NLN: variants seen among roughly 807,000 people sequenced by gnomAD.
NLN encodes the protein neurolysin.
In NLN, 64 loss-of-function variants were observed where a neutral mutation model predicts 79.9. The ratio of observed to expected loss-of-function variants is 0.80; its 90% CI spans 0.65 to 0.99. NLN has a LOEUF of 0.99. Among genes scored for constraint, NLN ranks in the 50% least tolerant of loss-of-function variants. NLN has a pLI of 0.00. For missense variants in NLN, 835 were observed against 858.7 expected, an observed-to-expected ratio of 0.97 and a Z score of 0.34; for synonymous variants, 267 against 296.6, an observed-to-expected ratio of 0.90 and a Z score of 1.02.
intron 3 of NLN, among the ~76,000 whole-genome samples, chr5:65,770,462 A>T (rs1759542952): frequency 6.6e-6 from 1 of 152,218 alleles, no homozygotes; most frequent in Non-Finnish European, 1.5e-5. Context: ...AATGAAGACC[A>T]TAATAAGTTA....
intron 1 of NLN, among the ~76,000 whole-genome samples, chr5:65,739,302 A>G (rs1038814097): frequency 1.3e-5 from 2 of 151,898 alleles, no homozygotes; most frequent in African/African-American, 4.8e-5. Flanking sequence ...GGCTTATTTC[A>G]GTTAACACTT....
intron 3 of NLN, among the ~76,000 whole-genome samples, chr5:65,774,055 G>GC (rs562497229): frequency 7.1e-6 from 1 of 140,352 alleles, no homozygotes. Context: ...AGAATTCAAA[G>GC]TTTTTTTTTT....
chr5:65,798,027 G>A (rs959560290), intron 9 of NLN, among the ~76,000 whole-genome samples: 4 of 152,148 alleles, frequency 2.6e-5, no homozygotes, highest in African/African-American at 4.8e-5. Flanking sequence ...ATGTGGGTAT[G>A]TTTATCTCCA....
intron 1 of NLN, among the ~76,000 whole-genome samples, chr5:65,727,351 G>A (rs1201140679): frequency 6.6e-6 from 1 of 152,036 alleles, no homozygotes; most frequent in Non-Finnish European, 1.5e-5. Flanking sequence ...AAAATTGTTT[G>A]TAGAGATAGG....
At chr5:65,791,335 A>C (rs1381305957) in intron 8 of NLN, among the ~76,000 whole-genome samples, 1 of 152,186 alleles carries the variant, frequency 6.6e-6, no homozygotes, top group Admixed American at 6.5e-5. Flanking sequence ...AGGAGGGCAG[A>C]TCACCTGAGG....
At chr5:65,767,886 G>A (rs765650227) in intron 3 of NLN, among the ~76,000 whole-genome samples, 1 of 152,198 alleles carries the variant, frequency 6.6e-6, no homozygotes, top group Non-Finnish European at 1.5e-5. Context: ...TAGGGCAGGT[G>A]CAAAGTGCCC....
chr5:65,814,065 T>C (rs1380221818), intron 12 of NLN, among the ~76,000 whole-genome samples: 1 of 152,054 alleles, frequency 6.6e-6, no homozygotes, highest in African/African-American at 2.4e-5. Flanking sequence ...GTTTGCTGTC[T>C]TGGAAAAAAA....
chr5:65,732,184 G>A (rs1462576425), intron 1 of NLN, among the ~76,000 whole-genome samples: 1 of 152,170 alleles, frequency 6.6e-6, no homozygotes, highest in African/African-American at 2.4e-5. Context: ...CACCGAAACT[G>A]CAAAACTGCA....
At chr5:65,790,956 G>A (rs1325682426) in intron 8 of NLN, among the ~76,000 whole-genome samples, 1 of 152,090 alleles carries the variant, frequency 6.6e-6, no homozygotes, top group Admixed American at 6.5e-5. Flanking sequence ...TGAGAGATCT[G>A]GTCATTGCTA....
At chr5:65,724,118 TGTG>T (rs1758399301) in intron 1 of NLN, among the ~76,000 whole-genome samples, 1 of 147,604 alleles carries the variant, frequency 6.8e-6, no homozygotes, top group African/African-American at 2.5e-5. Flanking sequence ...TTTTTAAAAT[TGTG>T]GTAAGATATA....
At chr5:65,726,460 G>A (rs566161739) in intron 1 of NLN, among the ~76,000 whole-genome samples, 2 of 152,106 alleles carry the variant, frequency 1.3e-5, no homozygotes, top group South Asian at 2.1e-4. Context: ...ATTCCTTTTC[G>A]CCATCAGTGC....
intron 3 of NLN, among the ~76,000 whole-genome samples, chr5:65,770,935 A>G (rs1759553367): frequency 6.6e-6 from 1 of 152,204 alleles, no homozygotes; most frequent in African/African-American, 2.4e-5. Flanking sequence ...AAAACTATAC[A>G]ATATATAAGT....
At chr5:65,758,521 A>G in intron 1 of NLN, 46 bp from the exon 2 acceptor site, 1 of 1,423,034 alleles carries the variant, frequency 7.0e-7, no homozygotes, top group Non-Finnish European at 9.8e-7. Flanking sequence ...TTGACTTTGG[A>G]CCAACAGAAA....
intron 1 of NLN, among the ~76,000 whole-genome samples, chr5:65,742,210 T>C (rs1345248492): frequency 2.2e-4 from 34 of 152,136 alleles, no homozygotes; most frequent in Admixed American, 2.2e-3. Context: ...AAAGTTACCT[T>C]TTTTAAAAAA....
intron 9 of NLN, among the ~76,000 whole-genome samples, chr5:65,807,222 A>G (rs1389238512): frequency 6.6e-6 from 1 of 151,422 alleles, no homozygotes; most frequent in Non-Finnish European, 1.5e-5. Context: ...GAAGAAGGAA[A>G]TTGCCACAGC....
In NLN at chr5:65,823,013, T is replaced by G; in HGVS notation, c.*98T>G. 1.1e-6 allele frequency: 1 copy of G among 934,108 alleles called. No individual in the cohort carries two copies. The allele number at this position is 934,108 out of a possible 1,614,324, so 57.9% of individuals were successfully genotyped here. On this transcript the variant is annotated 3_prime_UTR_variant, in exon 13 of 13. Transcript: ENST00000380985. ...TGAAGGGAGTTTTGCAAGTGAAAAT[T>G]TAGATTTCTATTGACATCCTTTTGT... is the stretch of plus-strand genomic sequence containing the variant.
intron 1 of NLN, among the ~76,000 whole-genome samples, chr5:65,756,233 A>T (rs892017429): frequency 6.6e-6 from 1 of 152,078 alleles, no homozygotes; most frequent in Non-Finnish European, 1.5e-5. Context: ...GTACTCCTAT[A>T]AGTAAAATTA....
rs775706099 is a variant in NLN at position 65,809,551 on chromosome 5, A to G, written c.1564A>G (p.Thr522Ala). The G allele has an allele frequency of 1.9e-6, 3 of 1,608,256 alleles. No individual in the cohort carries two copies. The highest frequency in any genetic ancestry group is 2.2e-5 in the South Asian group (2 of 89,418). ...ACGATTTAGCGGAACAAATGTGGAA[A>G]CTGACTTTGTAGAGGTGCCATCGCA... ...FARFSGTNVE[T>A]DFVEVPSQML... Residue 522 changes from threonine to alanine, a missense_variant, in exon 10 of 13, where the codon ACT becomes GCT. Physicochemically the swap from Thr to Ala is moderately conservative, Grantham distance 58 (BLOSUM62 0). Transcript: ENST00000380985.
intron 1 of NLN, among the ~76,000 whole-genome samples, chr5:65,728,307 T>C (rs955155943): frequency 6.6e-6 from 1 of 152,150 alleles, no homozygotes; most frequent in Non-Finnish European, 1.5e-5. Context: ...AAAATATAAA[T>C]AGCTATAATA....
Sources: gnomAD v4.1 joint callset for allele counts (sites outside exome capture counted in the v4.1 genomes callset) on GRCh38, gnomAD v4.1.1 for gene constraint, MANE v1.5 for transcripts, NCBI Gene and HGNC (gene_info 2026-07-23, HGNC 2026-07-21) for gene names.